Variants in IPCEF1 observed in about 807,000 individuals in gnomAD.
IPCEF1 encodes interactor protein for cytohesin exchange factors 1.
In IPCEF1, 31 loss-of-function variants were observed where a neutral mutation model predicts 50.9. The ratio of observed to expected loss-of-function variants is 0.61; its 90% CI spans 0.46 to 0.82. IPCEF1 has a LOEUF of 0.82. Ranked by LOEUF, IPCEF1 falls within the 40% of genes least tolerant of loss-of-function variation. The pLI, the probability that IPCEF1 is intolerant of heterozygous loss-of-function variation, is 0.00. For missense variants in IPCEF1, 458 were observed against 514.0 expected (o/e 0.89, Z 1.05); for synonymous variants, 181 against 192.0 (o/e 0.94, Z 0.47).
At chr6:154,284,102 T>A (rs1205188954) in intron 2 of IPCEF1, among the ~76,000 whole-genome samples, 1 of 152,202 alleles carries the variant, frequency 6.6e-6, no homozygotes, top group Non-Finnish European at 1.5e-5. Context: ...GATTTTGCAA[T>A]CAATCCTCAC....
At chr6:154,208,471 T>C (rs1314693700) in intron 9 of IPCEF1, among the ~76,000 whole-genome samples, 1 of 152,230 alleles carries the variant, frequency 6.6e-6, no homozygotes, top group Non-Finnish European at 1.5e-5. Context: ...ACTCCACTTC[T>C]GATGTAGCAT....
chr6:154,290,893 C>CTTTTTTTTT (rs3045866), intron 1 of IPCEF1, among the ~76,000 whole-genome samples: 21 of 127,292 alleles, frequency 1.6e-4, no homozygotes, highest in African/African-American at 4.1e-4. Context: ...AATATATTGC[C>CTTTTTTTTT]TTTTTTTTTT....
intron 9 of IPCEF1, among the ~76,000 whole-genome samples, chr6:154,201,244 C>T (rs1777044935): frequency 6.6e-6 from 1 of 152,176 alleles, no homozygotes; most frequent in Non-Finnish European, 1.5e-5. Flanking sequence ...ATTAATATAA[C>T]CAACAATTCT....
At chr6:154,318,160 A>ACC (rs1387775462) in intron 1 of IPCEF1, among the ~76,000 whole-genome samples, 153 of 152,284 alleles carry the variant, frequency 1.0e-3, no homozygotes, top group Admixed American at 9.8e-3. Flanking sequence ...GGAGAAAGAA[A>ACC]TCTGAACAGT....
chr6:154,245,832 G>T (rs1317263964), intron 5 of IPCEF1, among the ~76,000 whole-genome samples: 1 of 152,104 alleles, frequency 6.6e-6, no homozygotes, highest in South Asian at 2.1e-4. Context: ...CAACAACATC[G>T]TCATTTTCAA....
intron 10 of IPCEF1, among the ~76,000 whole-genome samples, chr6:154,184,241 T>G (rs1234574982): frequency 6.6e-6 from 1 of 152,098 alleles, no homozygotes; most frequent in Non-Finnish European, 1.5e-5. Flanking sequence ...GTAATAGCAC[T>G]GGCATATAAA....
chr6:154,338,892 T>C (rs1485822677), intron 1 of IPCEF1, among the ~76,000 whole-genome samples: 8 of 152,010 alleles, frequency 5.3e-5, no homozygotes, highest in Admixed American at 1.3e-4. Context: ...GAGCCAAGAC[T>C]GCAACACTGC....
At chr6:154,244,003 A>T (rs1780813418) in intron 5 of IPCEF1, among the ~76,000 whole-genome samples, 1 of 152,216 alleles carries the variant, frequency 6.6e-6, no homozygotes, top group Non-Finnish European at 1.5e-5. Context: ...GCTACCTCTC[A>T]GCATTAGGCT....
intron 2 of IPCEF1, among the ~76,000 whole-genome samples, chr6:154,275,828 A>G (rs1782041299): frequency 6.6e-6 from 1 of 152,048 alleles, no homozygotes; most frequent in Admixed American, 6.6e-5. Flanking sequence ...GCTTGCACCC[A>G]TTGCTCTAGA....
rs1489429167 is a variant in IPCEF1 at position 154,172,111 on chromosome 6, T to TA, written c.911-3999dup. On this transcript the variant is annotated intron_variant, in intron 10 of 11. Coordinates refer to ENST00000367220, the MANE Select transcript of IPCEF1 (RefSeq NM_001130700.2). Reference sequence around the variant, plus strand: ...CAATTGAGCCACTAAAAGAAAAAAATATTTTTGACTAAAACATTTTGTTTG... The same window carrying TA: ...CAATTGAGCCACTAAAAGAAAAAAATAATTTTTGACTAAAACATTTTGTTTG... Among the ~76,000 whole-genome samples, 2 of 152,162 alleles carry TA rather than the reference T, an allele frequency of 1.3e-5. 1 individual carries two copies. The highest frequency in any genetic ancestry group is 2.9e-5 in the Non-Finnish European group (2 of 68,022).
intron 5 of IPCEF1, among the ~76,000 whole-genome samples, chr6:154,229,549 G>A (rs1752477037): frequency 6.6e-6 from 1 of 151,756 alleles, no homozygotes; most frequent in Non-Finnish European, 1.5e-5. Flanking sequence ...AGTAGAGATG[G>A]GGTTCGCCGT....
rs1016796649 is a variant in IPCEF1 at position 154,233,062 on chromosome 6, G to A, written c.247-9819C>T. Among the ~76,000 whole-genome samples the A allele has an allele frequency of 1.1e-4, 16 of 150,024 alleles. No homozygotes were observed. The East Asian group carries it at 1.4e-3, about 13-fold the overall frequency. On this transcript the variant is annotated intron_variant, in intron 5 of 11. Coordinates refer to ENST00000367220, the MANE Select transcript of IPCEF1 (RefSeq NM_001130700.2). ...CATCTCACTGCAACCTCCGCCTCCC[G>A]GGTTCAAGTGATTCTTCTGCCTCAG...
Position 154,330,353 on chromosome 6 carries a change from A to T in IPCEF1, c.-62+26319T>A, listed in dbSNP as rs868154861. On this transcript the variant is annotated intron_variant, in intron 1 of 11. Transcript: ENST00000367220. ...TTTTTTTTTTTTTTTTTTTTTTTTT[A>T]AGACAGGATCTCTCTCTGTCACCCA... Among the ~76,000 whole-genome samples, 422 of 99,836 alleles carry T rather than the reference A, an allele frequency of 4.2e-3. 5 individuals carry two copies. The highest frequency in any genetic ancestry group is 6.6e-3 in the Non-Finnish European group (307 of 46,848). 65.5% of individuals were successfully genotyped at this position (99,836 alleles called of 152,430 possible).
At chr6:154,172,662 G>A (rs186313668) in intron 10 of IPCEF1, among the ~76,000 whole-genome samples, 390 of 152,312 alleles carry the variant, frequency 2.6e-3, no homozygotes, top group African/African-American at 4.1e-3. Flanking sequence ...AGGGAAGCTC[G>A]AACTGGGCGG....
chr6:154,307,075 A>G (rs1782954421), intron 1 of IPCEF1, among the ~76,000 whole-genome samples: 1 of 152,034 alleles, frequency 6.6e-6, no homozygotes, highest in African/African-American at 2.4e-5. Flanking sequence ...GGCCCATACT[A>G]ATGACCTCAT....
In IPCEF1 at chr6:154,241,951, G is replaced by A. The variant is rs73789378; in HGVS notation, c.246+4640C>T. Among the ~76,000 whole-genome samples the A allele has an allele frequency of 2.6e-3, 396 of 152,224 alleles. 2 individuals are homozygous for A. Among genetic ancestry groups the A allele is most frequent in the African/African-American group, 8.8e-3 (366 of 41,520 alleles). On this transcript the variant is annotated intron_variant, in intron 5 of 11. Transcript: ENST00000367220. ...CTGGGGAAAAGAGCCTGGCTTTGTC[G>A]TTGGGAAACCTTTGTTTTAAATCCC...
At chr6:154,214,448 C>T in intron 7 of IPCEF1, 172 bp from the exon 8 acceptor site, 1 of 630,642 alleles carries the variant, frequency 1.6e-6, no homozygotes, top group South Asian at 1.9e-5. Flanking sequence ...TTTCACAATA[C>T]TTTCCATACT....
chr6:154,344,118 A>G (rs968765313), intron 1 of IPCEF1, among the ~76,000 whole-genome samples: 3 of 151,812 alleles, frequency 2.0e-5, no homozygotes, highest in African/African-American at 7.3e-5. Flanking sequence ...TATCCACCAC[A>G]CTCCGAGTCT....
At chr6:154,280,972 G>A (rs1782192349) in intron 2 of IPCEF1, among the ~76,000 whole-genome samples, 1 of 152,078 alleles carries the variant, frequency 6.6e-6, no homozygotes, top group Non-Finnish European at 1.5e-5. Flanking sequence ...GGCCAGAGCG[G>A]AATGATTGTT....
Sources: allele counts gnomAD v4.1 joint callset (sites outside exome capture counted in the v4.1 genomes callset), GRCh38; gene constraint gnomAD v4.1.1; transcripts MANE v1.5; gene names NCBI Gene and HGNC (gene_info 2026-07-23, HGNC 2026-07-21).